PITPNM2: variants seen among roughly 807,000 people sequenced by gnomAD.
The protein encoded by PITPNM2 is phosphatidylinositol transfer protein membrane associated 2.
In PITPNM2, 35 loss-of-function variants were observed where a neutral mutation model predicts 132.2. The observed-to-expected ratio is 0.26, with a 90% CI of 0.20 to 0.35. The LOEUF (loss-of-function observed/expected upper bound fraction) is 0.35, where lower values mean the gene tolerates loss of function less well. Ranked by LOEUF, PITPNM2 falls within the 10% of genes least tolerant of loss-of-function variation. The pLI is 1.00. For synonymous variants in PITPNM2, 738 were observed against 799.2 expected, an observed-to-expected ratio of 0.92 and a Z score of 1.29; for missense variants, 1,332 against 1,912.0, an observed-to-expected ratio of 0.70 and a Z score of 5.66.
At chr12:123,006,510 G>A (rs890441319) in intron 6 of PITPNM2, among the ~76,000 whole-genome samples, 5 of 151,238 alleles carry the variant, frequency 3.3e-5, no homozygotes, top group Non-Finnish European at 5.9e-5. Context: ...AGACCAGCCT[G>A]GGCAACACAG....
At position 123,018,293 on chromosome 12, in the gene PITPNM2, C is replaced by CTT. The variant is rs3085478; in HGVS notation, c.79-4253_79-4252dup. On this transcript the variant is annotated intron_variant, in intron 3 of 25. Coordinates refer to ENST00000320201, the MANE Select transcript of PITPNM2 (RefSeq NM_020845.3). Reference sequence around the variant, plus strand: ...TTTAATTTCTTTTCTTTTTTCTTTTCTTTTTTTTTTTTTTTTTTTGAGACA... The same window carrying CTT: ...TTTAATTTCTTTTCTTTTTTCTTTTCTTTTTTTTTTTTTTTTTTTTTGAGACA... Among the ~76,000 whole-genome samples, 1,108 of 126,290 alleles carry CTT rather than the reference C, an allele frequency of 8.8e-3. 37 individuals are homozygous for CTT. Among genetic ancestry groups the CTT allele is most frequent in the African/African-American group, 0.032 (1,029 of 32,114 alleles). 82.9% of individuals were successfully genotyped at this position (126,290 alleles called of 152,430 possible). A position where few individuals can be genotyped will look rare whatever the true frequency, so the allele number is the denominator to read the frequency against.
At chr12:123,021,617 G>A (rs1157191307) in intron 3 of PITPNM2, 1 of 952,342 alleles carries the variant, frequency 1.1e-6, no homozygotes, top group Non-Finnish European at 1.3e-6. Context: ...GCGGTGTCAG[G>A]TGAAGACCAT....
chr12:122,996,391 G>A, intron 13 of PITPNM2, 67 bp downstream of exon 13: 1 of 1,584,438 alleles, frequency 6.3e-7, no homozygotes, highest in Non-Finnish European at 8.6e-7. Flanking sequence ...AACAGGCAGG[G>A]CAGCCACCCT....
At chr12:123,104,907 C>A (rs2042666515) in intron 2 of PITPNM2, among the ~76,000 whole-genome samples, 1 of 152,108 alleles carries the variant, frequency 6.6e-6, no homozygotes, top group African/African-American at 2.4e-5. Context: ...AAGCACAATT[C>A]GGATCCTGAC....
intron 1 of PITPNM2, among the ~76,000 whole-genome samples, chr12:123,129,058 C>G (rs913290077): frequency 2.0e-5 from 3 of 151,954 alleles, no homozygotes; most frequent in Admixed American, 1.3e-4. Context: ...TTGCTTGAAC[C>G]CGGGAGGCAG....
Position 122,993,519 on chromosome 12 carries a change from G to A in PITPNM2, c.2234-850C>T, listed in dbSNP as rs754665072. Among the ~76,000 whole-genome samples the A allele has an allele frequency of 7.2e-5, 11 of 152,210 alleles. No homozygotes were observed. The highest frequency in any genetic ancestry group is 1.2e-4 in the African/African-American group (5 of 41,450). On this transcript the variant is annotated intron_variant, in intron 15 of 25. Transcript: ENST00000320201. The surrounding 1 kb of genome is among the most constrained non-coding windows in gnomAD (Gnocchi z 5.2). Reference sequence around the variant, plus strand: ...ATGTTGGCGTCTTTCATGTCAGCACGTCTAGTTTCTCCTTGCTCTTTTTCA... The same window carrying A: ...ATGTTGGCGTCTTTCATGTCAGCACATCTAGTTTCTCCTTGCTCTTTTTCA...
At chr12:123,021,607 G>T (rs1345238354) in intron 3 of PITPNM2, 2 of 914,926 alleles carry the variant, frequency 2.2e-6, no homozygotes, top group Non-Finnish European at 1.3e-6. Context: ...AAGCCCCACT[G>T]CGGTGTCAGG....
Position 123,082,494 on chromosome 12 carries a change from A to G in PITPNM2, c.-96+27891T>C, listed in dbSNP as rs1331294419. 6.6e-6 allele frequency among the ~76,000 whole-genome samples: 1 copy of G among 152,118 alleles called. No homozygotes were observed. The highest frequency in any genetic ancestry group is 1.5e-5 in the Non-Finnish European group (1 of 68,028). ...CAGAGTCTTGCCCAGGCTGGAGTGCAGTGGCACGATTTCAGCTCACTGCAA... is the reference window on the plus strand; with the variant it reads ...CAGAGTCTTGCCCAGGCTGGAGTGCGGTGGCACGATTTCAGCTCACTGCAA... On this transcript the variant is annotated intron_variant, in intron 2 of 25. Coordinates refer to ENST00000320201, the MANE Select transcript of PITPNM2 (RefSeq NM_020845.3). This position sits in a 1 kb window ranked among gnomAD's most constrained non-coding sequence, Gnocchi z 5.4.
chr12:122,989,867 G>C lies in PITPNM2; in HGVS notation c.2651C>G (p.Pro884Arg), dbSNP rs1253114650. ...CTTCCTGGCTGGAGGGTGGGGGCCA[G>C]GGGTGGTGGGGCTGGGGGCGGGCAG... ...LALPAPSPTT[P>R]GPHPPARKAS... The change falls in exon 18 of 26, where the codon CCT becomes CGT. Residue 884 changes from proline (P) to arginine (R), a missense_variant. By Grantham distance (103) the Pro-to-Arg change is moderately radical (BLOSUM62 -2). Around this residue, in one of 6 missense-constraint regions of PITPNM2, gnomAD observed 710 missense variants for 911.5 expected, o/e 0.78. Coordinates refer to ENST00000320201, the MANE Select transcript of PITPNM2 (RefSeq NM_020845.3). 1 of 1,352,362 alleles carries C rather than the reference G, an allele frequency of 7.4e-7. No individual in the cohort carries two copies. The highest frequency in any genetic ancestry group is 9.5e-7 in the Non-Finnish European group (1 of 1,047,196). The allele number at this position is 1,352,362 out of a possible 1,614,324, so 83.8% of individuals were successfully genotyped here.
chr12:123,079,333 TTTTTCTTTTTTC>T (rs1566282195), intron 2 of PITPNM2, among the ~76,000 whole-genome samples: 1 of 149,442 alleles, frequency 6.7e-6, no homozygotes, highest in African/African-American at 2.5e-5. Context: ...ATTTCACTTC[TTTTTCTTTTTTC>T]TTTTCTTTTT....
At chr12:123,121,635 T>G (rs2043033733) in intron 1 of PITPNM2, among the ~76,000 whole-genome samples, 1 of 151,600 alleles carries the variant, frequency 6.6e-6, no homozygotes, top group Admixed American at 6.6e-5. Context: ...CAACCTTGAA[T>G]TCCTGGCTCA....
At chr12:123,073,772 G>A (rs1175110114) in intron 2 of PITPNM2, among the ~76,000 whole-genome samples, 2 of 152,220 alleles carry the variant, frequency 1.3e-5, no homozygotes, top group African/African-American at 2.4e-5. Context: ...CGTACTCTGG[G>A]TGGAAGCCCT....
rs1051119545 is a variant in PITPNM2 at position 123,117,518 on chromosome 12, T to G, written c.-199-7030A>C. On this transcript the variant is annotated intron_variant, in intron 1 of 25. Coordinates refer to ENST00000320201, the MANE Select transcript of PITPNM2 (RefSeq NM_020845.3). This position sits in a 1 kb window ranked among gnomAD's most constrained non-coding sequence, Gnocchi z 4.7. ...GGCCTCTGTTTCCCCATCTGTAGAG[T>G]GAGGAGGCTGGGCTTCATGACCTCT... Among the ~76,000 whole-genome samples the G allele has an allele frequency of 6.6e-6, 1 of 151,950 alleles. No individual in the cohort carries two copies. The highest frequency in any genetic ancestry group is 1.5e-5 in the Non-Finnish European group (1 of 67,978).
chr12:122,997,233 G>C, intron 11 of PITPNM2, 92 bp downstream of exon 11: 1 of 1,562,942 alleles, frequency 6.4e-7, no homozygotes, highest in Non-Finnish European at 8.7e-7. Context: ...ATCGGGGCAG[G>C]AGTCCTGAAA....
chr12:123,066,631 C>T (rs1451279614), intron 2 of PITPNM2, among the ~76,000 whole-genome samples: 1 of 152,178 alleles, frequency 6.6e-6, no homozygotes, highest in Non-Finnish European at 1.5e-5. Context: ...GGATGGGCTA[C>T]AAGGTACTGC....
At chr12:123,128,482 A>G (rs1230244413) in intron 1 of PITPNM2, among the ~76,000 whole-genome samples, 2 of 145,170 alleles carry the variant, frequency 1.4e-5, no homozygotes, top group Non-Finnish European at 1.5e-5. Context: ...GGGCAGGCGC[A>G]GTGGCTCATG....
intron 1 of PITPNM2, among the ~76,000 whole-genome samples, chr12:123,126,109 T>A (rs1223473221): frequency 1.3e-5 from 2 of 151,896 alleles, no homozygotes; most frequent in African/African-American, 4.8e-5. Flanking sequence ...GACCTTGTGA[T>A]CCGCCTGCCT....
Position 123,106,961 on chromosome 12 carries a change from G to A in PITPNM2, c.-96+3424C>T, listed in dbSNP as rs924372242. Among the ~76,000 whole-genome samples, 1 of 152,224 alleles carries A rather than the reference G, an allele frequency of 6.6e-6. No homozygotes were observed. The highest frequency in any genetic ancestry group is 6.5e-5 in the Admixed American group (1 of 15,288). On this transcript the variant is annotated intron_variant, in intron 2 of 25. Coordinates refer to ENST00000320201, the MANE Select transcript of PITPNM2 (RefSeq NM_020845.3). This position sits in a 1 kb window ranked among gnomAD's most constrained non-coding sequence, Gnocchi z 4.4. Reference sequence around the variant, plus strand: ...CTAGGAAGCAAGGCCCTCGCTGCAGGTAGGGCTCTGCTGCTGCTACGGATG... The same window carrying A: ...CTAGGAAGCAAGGCCCTCGCTGCAGATAGGGCTCTGCTGCTGCTACGGATG...
chr12:123,051,673 T>G (rs2040860072), intron 2 of PITPNM2, among the ~76,000 whole-genome samples: 1 of 152,240 alleles, frequency 6.6e-6, no homozygotes, highest in Non-Finnish European at 1.5e-5. Context: ...TCTTAGTGCT[T>G]TATCTCTTCT....
Sources: allele counts gnomAD v4.1 joint callset (sites outside exome capture counted in the v4.1 genomes callset), GRCh38; gene constraint gnomAD v4.1.1; regional missense constraint gnomAD v4.1.1; non-coding constraint Gnocchi (gnomAD v3.1); transcripts MANE v1.5; gene names NCBI Gene and HGNC (gene_info 2026-07-23, HGNC 2026-07-21).